MAD1L1: variants seen among roughly 807,000 people sequenced by gnomAD.
MAD1L1 encodes the protein mitotic arrest deficient 1 like 1, also known as mitotic spindle assembly checkpoint protein MAD1.
In MAD1L1, 95 loss-of-function variants were observed where a neutral mutation model predicts 96.9. The observed-to-expected ratio is 0.98, with a 90% CI of 0.83 to 1.16. The LOEUF (loss-of-function observed/expected upper bound fraction) is 1.16. Among genes scored for constraint, MAD1L1 ranks in the 50% most tolerant of loss-of-function variants. The probability of loss-of-function intolerance (pLI) is 0.00; values close to 1 mark genes in which losing one functional copy is unlikely to be tolerated. For synonymous variants in MAD1L1, 473 were observed against 396.6 expected, an observed-to-expected ratio of 1.19 and a Z score of -2.29; for missense variants, 1,007 against 954.4, an observed-to-expected ratio of 1.06 and a Z score of -0.73.
At chr7:1,919,758 G>A (rs1788659011) in intron 17 of MAD1L1, among the ~76,000 whole-genome samples, 1 of 152,252 alleles carries the variant, frequency 6.6e-6, no homozygotes. Context: ...CTGGTGCAGA[G>A]CTGGGACCAT....
In MAD1L1 at chr7:2,014,473, A is replaced by T. The variant is rs753846941; in HGVS notation, c.1359+29T>A. 4.6e-6 allele frequency: 7 copies of T among 1,527,844 alleles called. No homozygotes were observed. The Admixed American group carries it at 1.3e-4, about 28-fold the overall frequency. 94.6% of individuals were successfully genotyped at this position (1,527,844 alleles called of 1,614,324 possible). ...CACCGGGAAGAAGCCCCACCTGGCG[A>T]CGTGAGCCCCACGCCCGCGGCCCCT... On this transcript the variant is annotated intron_variant, in intron 13 of 18. Coordinates refer to ENST00000265854, the MANE Select transcript of MAD1L1 (RefSeq NM_001013836.2).
intron 12 of MAD1L1, among the ~76,000 whole-genome samples, chr7:2,024,381 C>A (rs1187892252): frequency 1.3e-5 from 2 of 152,232 alleles, no homozygotes; most frequent in Non-Finnish European, 2.9e-5. Context: ...GACTGAGACA[C>A]ACAGAGGGCC....
In MAD1L1 at chr7:2,186,130, T is replaced by TTA. The variant is rs1280512619; in HGVS notation, c.986+27081_986+27082insTA. 3.9e-5 allele frequency among the ~76,000 whole-genome samples: 6 copies of TTA among 152,260 alleles called. No individual in the cohort carries two copies. The East Asian group carries it at 5.8e-4, about 15-fold the overall frequency. On this transcript the variant is annotated intron_variant, in intron 10 of 18. Transcript: ENST00000265854. ...CAATCTTAAGTACTGTTAACAGAAG[T>TTA]ATAATTTTGGAACGTAATTTGGCAA...
At chr7:1,915,738 G>T (rs569794100) in intron 17 of MAD1L1, among the ~76,000 whole-genome samples, 4 of 152,346 alleles carry the variant, frequency 2.6e-5, no homozygotes, top group Non-Finnish European at 2.9e-5. Flanking sequence ...CGCCAGCGGG[G>T]CCAAAACGAC....
rs1268861985 is a variant in MAD1L1, at chr7:1,882,396, G to A, written c.1998+15804C>T. Among the ~76,000 whole-genome samples, 3 of 152,228 alleles carry A rather than the reference G, an allele frequency of 2.0e-5. No individual in the cohort carries two copies. The East Asian group carries it at 5.8e-4, about 29-fold the overall frequency. ...GAGGCAAATTCAAATTAAGCTGTCT[G>A]TGTAGACCTCATTGCTCCAGCGGGA... On this transcript the variant is annotated intron_variant, in intron 18 of 18. Coordinates refer to ENST00000265854, the MANE Select transcript of MAD1L1 (RefSeq NM_001013836.2).
chr7:2,194,718 G>C (rs1334419222), intron 10 of MAD1L1, among the ~76,000 whole-genome samples: 1 of 152,110 alleles, frequency 6.6e-6, no homozygotes, highest in African/African-American at 2.4e-5. Flanking sequence ...TTTAGTTACA[G>C]AAACTCAAAG....
chr7:1,830,877 A>C (rs1182781912), intron 18 of MAD1L1, among the ~76,000 whole-genome samples: 1 of 152,266 alleles, frequency 6.6e-6, no homozygotes, highest in Non-Finnish European at 1.5e-5. Flanking sequence ...ACAAATAACA[A>C]GATGATAGAC....
intron 12 of MAD1L1, among the ~76,000 whole-genome samples, chr7:2,059,210 G>A (rs1784523392): frequency 7.9e-6 from 1 of 126,334 alleles, no homozygotes; most frequent in Non-Finnish European, 1.7e-5. Flanking sequence ...GAGAGAAGCA[G>A]GGCTGGAGAG....
chr7:2,060,633 C>A (rs1295789446), intron 12 of MAD1L1, among the ~76,000 whole-genome samples: 3 of 152,200 alleles, frequency 2.0e-5, no homozygotes, highest in Non-Finnish European at 4.4e-5. Context: ...AAAAAAAGAG[C>A]CCATGGAACA....
chr7:2,037,514 T>C (rs1783492944), intron 12 of MAD1L1, among the ~76,000 whole-genome samples: 2 of 152,224 alleles, frequency 1.3e-5, no homozygotes, highest in South Asian at 2.1e-4. Flanking sequence ...GTTTCAGACA[T>C]TGTATCACTA....
chr7:1,816,283 C>T lies in MAD1L1; in HGVS notation c.1999-55G>A, dbSNP rs1275799198. 18 of 1,551,202 alleles carry T rather than the reference C, an allele frequency of 1.2e-5. No homozygotes were observed. In the South Asian group the frequency reaches 1.6e-4, roughly 13 times the overall value. The stretch of plus-strand genomic sequence containing the variant: ...AGCGGTCAGCCCGACAGGCCTCTCC[C>T]TCTCCCCTCCCTCCCTACACAGCCC... On this transcript the variant is annotated intron_variant, in intron 18 of 18. Transcript: ENST00000265854.
intron 11 of MAD1L1, among the ~76,000 whole-genome samples, chr7:2,124,511 C>T (rs895792755): frequency 2.0e-5 from 3 of 152,190 alleles, no homozygotes; most frequent in Non-Finnish European, 4.4e-5. Flanking sequence ...AGGGGACAGC[C>T]GGCCTGCATG....
At chr7:1,902,990 G>C (rs533373649) in intron 17 of MAD1L1, among the ~76,000 whole-genome samples, 1 of 151,008 alleles carries the variant, frequency 6.6e-6, no homozygotes, top group African/African-American at 2.4e-5. Flanking sequence ...TACAGAAGAC[G>C]CTCTTGCGGA....
intron 17 of MAD1L1, among the ~76,000 whole-genome samples, chr7:1,908,191 C>T (rs758189683): frequency 2.4e-4 from 37 of 152,214 alleles, no homozygotes; most frequent in Non-Finnish European, 4.7e-4. Flanking sequence ...GAACTGGGGA[C>T]CACCTGGCTC....
chr7:2,219,392 C>G lies in MAD1L1; in HGVS notation c.536G>C (p.Arg179Pro). 2.5e-6 allele frequency: 4 copies of G among 1,611,020 alleles called. No individual in the cohort carries two copies. In the South Asian group the frequency reaches 3.3e-5, roughly 13 times the overall value. The change falls in exon 6 of 19, where the codon CGG (arginine) becomes CCG (proline). Residue 179 changes from arginine (R) to proline (P), a missense_variant. Transcript: ENST00000265854. ...CTTCTCCGACTCCAGGCGCTTCACCCGCATCTCCTGGTCCATCACGCTCCA... is the reference window on the plus strand; with the variant it reads ...CTTCTCCGACTCCAGGCGCTTCACCGGCATCTCCTGGTCCATCACGCTCCA... Reference protein sequence around the residue: ...LQWSVMDQEMRVKRLESEKQE... With the variant: ...LQWSVMDQEMPVKRLESEKQE...
intron 12 of MAD1L1, among the ~76,000 whole-genome samples, chr7:2,038,659 T>C (rs1451426696): frequency 6.6e-6 from 1 of 151,898 alleles, no homozygotes; most frequent in Non-Finnish European, 1.5e-5. Context: ...ATTACAAGTG[T>C]GTGCCACCAC....
chr7:2,160,285 T>C (rs1790039370), intron 10 of MAD1L1, among the ~76,000 whole-genome samples: 1 of 149,748 alleles, frequency 6.7e-6, no homozygotes, highest in African/African-American at 2.4e-5. Flanking sequence ...AATGGCCTCC[T>C]GCTGGAGAAC....
chr7:2,078,301 G>A (rs916022959), intron 11 of MAD1L1, among the ~76,000 whole-genome samples: 2 of 152,206 alleles, frequency 1.3e-5, no homozygotes, highest in African/African-American at 2.4e-5. Context: ...GGCTCTGAGC[G>A]CTCCATCCAC....
At chr7:2,048,135 C>T (rs1784013580) in intron 12 of MAD1L1, among the ~76,000 whole-genome samples, 1 of 152,348 alleles carries the variant, frequency 6.6e-6, no homozygotes, top group East Asian at 1.9e-4. Context: ...TGTGTGCATG[C>T]ATGCACACTG....
Sources: gnomAD v4.1 joint callset for allele counts (sites outside exome capture counted in the v4.1 genomes callset) on GRCh38, gnomAD v4.1.1 for gene constraint, MANE v1.5 for transcripts, NCBI Gene and HGNC (gene_info 2026-07-23, HGNC 2026-07-21) for gene names.